Variants in FAM133B observed in about 807,000 individuals in gnomAD.
FAM133B encodes family with sequence similarity 133 member B.
In FAM133B, 25 loss-of-function variants were observed where a neutral mutation model predicts 46.4. That is an observed-to-expected ratio of 0.54 (90% CI 0.39 to 0.75). The LOEUF is 0.75. Among genes scored for constraint, FAM133B ranks in the 30% least tolerant of loss-of-function variants. The pLI is 0.00. For synonymous variants in FAM133B, 75 were observed against 86.0 expected, an observed-to-expected ratio of 0.87 and a Z score of 0.71; for missense variants, 205 against 277.6, an observed-to-expected ratio of 0.74 and a Z score of 1.86.
rs1279537200 is a variant in FAM133B at position 92,578,310 on chromosome 7, T to C, written c.276+9A>G. 3 of 1,612,568 alleles carry C rather than the reference T, an allele frequency of 1.9e-6. No individual in the cohort carries two copies. The highest frequency in any genetic ancestry group is 2.2e-5 in the East Asian group (1 of 44,842). On this transcript the variant is annotated intron_variant, in intron 4 of 10. Coordinates refer to ENST00000445716, the MANE Select transcript of FAM133B (RefSeq NM_152789.4). ...ATTAAGAATAGCAATAAACTAAAAG[T>C]GGTATTACCTGTCTTTTTTTGGATG...
chr7:92,577,712 T>A lies in FAM133B; in HGVS notation c.315A>T (p.Ser105=), dbSNP rs372596712. 134 of 1,576,744 alleles carry A rather than the reference T, an allele frequency of 8.5e-5. 1 individual carries two copies. The highest frequency in any genetic ancestry group is 1.1e-4 in the Non-Finnish European group (125 of 1,160,184). The change falls in exon 6 of 11, where the codon TCA becomes TCT. Residue 105 remains serine, a synonymous_variant. Transcript: ENST00000445716. ...AATCAGAGCTTGATGAAGAAGAAGA[T>A]GAATACTTGACCAAGCACAAAACAA... ...KKEKKKSGRY[S]SSSSSSSDSS... is the part of the protein sequence containing the mutation.
In FAM133B at chr7:92,581,539, A is replaced by T; in HGVS notation, c.89T>A (p.Ile30Lys). The T allele has an allele frequency of 6.2e-7, 1 of 1,613,868 alleles. No individual in the cohort carries two copies. Among genetic ancestry groups the T allele is most frequent in the Non-Finnish European group, 8.5e-7 (1 of 1,179,816 alleles). The part of the protein sequence containing the change: ...RGPIQSSGPT[I>K]QDYLNRPRPT... The stretch of plus-strand genomic sequence containing the variant: ...CCTTGGTCGATTCAGATAATCCTGT[A>T]TTGTTGGCCCTGAAGACTGGATTGG... The change falls in exon 2 of 11, where the codon ATA (isoleucine) becomes AAA (lysine). Residue 30 changes from isoleucine (I) to lysine (K), a missense_variant. By Grantham distance (102) the Ile-to-Lys change is moderately radical. Transcript: ENST00000445716.
intron 1 of FAM133B, among the ~76,000 whole-genome samples, chr7:92,584,028 C>T (rs1438402029): frequency 8.7e-6 from 1 of 114,880 alleles, no homozygotes; most frequent in Admixed American, 1.3e-4. Flanking sequence ...CCAGCCTGGG[C>T]GAAAGAGCAA....
intron 9 of FAM133B, 77 bp downstream of exon 9, chr7:92,569,746 C>A: frequency 2.9e-6 from 2 of 684,108 alleles, no homozygotes; most frequent in Non-Finnish European, 4.5e-6. Flanking sequence ...TGAAGTATTT[C>A]TTTTTCTAAG....
At chr7:92,577,444 CAACAA>C in intron 6 of FAM133B, 2 of 446,978 alleles carry the variant, frequency 4.5e-6, no homozygotes, top group South Asian at 7.1e-5. Context: ...ATTTTTAGGT[CAACAA>C]AACAAATTTT....
chr7:92,590,198 C>A (rs568083082), intron 1 of FAM133B, 70 bp downstream of exon 1: 14 of 1,611,678 alleles, frequency 8.7e-6, no homozygotes, highest in Non-Finnish European at 1.2e-5. Flanking sequence ...CGGCCGGGAA[C>A]AGCGAGGGTT....
At chr7:92,584,939 G>A (rs1017482872) in intron 1 of FAM133B, among the ~76,000 whole-genome samples, 2 of 152,076 alleles carry the variant, frequency 1.3e-5, no homozygotes, top group African/African-American at 4.8e-5. Flanking sequence ...AGGGTGAGGT[G>A]GGAGGAGCTT....
chr7:92,578,027 T>A, intron 5 of FAM133B, 123 bp downstream of exon 5: 1 of 862,400 alleles, frequency 1.2e-6, no homozygotes, highest in East Asian at 2.5e-5. Context: ...TCAAAGAACC[T>A]CTAAGTTCCT....
At chr7:92,582,779 A>G (rs2116417587) in intron 1 of FAM133B, among the ~76,000 whole-genome samples, 1 of 152,354 alleles carries the variant, frequency 6.6e-6, no homozygotes. Flanking sequence ...AATTGAAACA[A>G]CAAAGAGATG....
chr7:92,587,275 C>CA (rs1313775930), intron 1 of FAM133B, among the ~76,000 whole-genome samples: 6 of 152,140 alleles, frequency 3.9e-5, no homozygotes, highest in African/African-American at 1.4e-4. Flanking sequence ...GAGACAATCT[C>CA]AAAAAATGCC....
rs772730489 is a variant in FAM133B, at chr7:92,577,177, G to A, written c.391C>T (p.Arg131Trp). 14 of 1,491,836 alleles carry A rather than the reference G, an allele frequency of 9.4e-6. No individual in the cohort carries two copies. The Admixed American group carries it at 1.1e-4, about 12-fold the overall frequency. The allele number at this position is 1,491,836 out of a possible 1,614,324, so 92.4% of individuals were successfully genotyped here. Residue 131 changes from arginine (R) to tryptophan (W), a missense_variant, in exon 7 of 11, where the codon CGG (arginine) becomes TGG (tryptophan). Coordinates refer to ENST00000445716, the MANE Select transcript of FAM133B (RefSeq NM_152789.4). ...SEDEDKKQGK[R>W]RKKKKNRSHK... ...GAACGGTTCTTCTTTTTCTTTCTCC[G>A]TTTTCCTTGTTTCTTATCCTACATA...
At chr7:92,587,577 A>G (rs1213020147) in intron 1 of FAM133B, among the ~76,000 whole-genome samples, 1 of 152,060 alleles carries the variant, frequency 6.6e-6, no homozygotes, top group Non-Finnish European at 1.5e-5. Context: ...CAAAAAAACA[A>G]CAAAAAATTA....
At chr7:92,581,359 T>C (rs954758128) in intron 2 of FAM133B, 147 bp downstream of exon 2, 13 of 655,902 alleles carry the variant, frequency 2.0e-5, no homozygotes, top group Non-Finnish European at 2.8e-5. Flanking sequence ...GTTTCACACA[T>C]TCAAAAGAAA....
At chr7:92,571,429 C>T (rs1348860038) in intron 8 of FAM133B, among the ~76,000 whole-genome samples, 1 of 152,054 alleles carries the variant, frequency 6.6e-6, no homozygotes, top group Non-Finnish European at 1.5e-5. Flanking sequence ...TTAGTCTGTT[C>T]ATTGTAGTTA....
chr7:92,578,632 G>A (rs930889381), intron 3 of FAM133B, among the ~76,000 whole-genome samples: 3 of 152,146 alleles, frequency 2.0e-5, no homozygotes, highest in Non-Finnish European at 4.4e-5. Context: ...TTGAGCAGCA[G>A]GCATTATTAC....
At chr7:92,583,359 T>C (rs931977364) in intron 1 of FAM133B, among the ~76,000 whole-genome samples, 7 of 152,140 alleles carry the variant, frequency 4.6e-5, no homozygotes, top group Non-Finnish European at 1.0e-4. Flanking sequence ...AGGTTCTTGT[T>C]TGGGATGATG....
intron 1 of FAM133B, among the ~76,000 whole-genome samples, chr7:92,583,673 T>C (rs1794953710): frequency 6.6e-6 from 1 of 152,228 alleles, no homozygotes. Context: ...GTCTGGTCTT[T>C]AATTCAGTCT....
chr7:92,581,933 T>C (rs118028363), intron 1 of FAM133B: 10,737 of 184,936 alleles, frequency 0.058, 372 homozygotes, highest in Middle Eastern at 0.09. Flanking sequence ...GTGATAACAG[T>C]ATGTTCACTA....
At chr7:92,581,319 CT>C (rs1469253752) in intron 2 of FAM133B, among the ~76,000 whole-genome samples, 186 bp downstream of exon 2, 1 of 152,224 alleles carries the variant, frequency 6.6e-6, no homozygotes, top group East Asian at 1.9e-4. Context: ...GTAGTGGGTT[CT>C]TAAATGTTTG....
Sources: allele counts gnomAD v4.1 joint callset (sites outside exome capture counted in the v4.1 genomes callset), GRCh38; gene constraint gnomAD v4.1.1; transcripts MANE v1.5; gene names NCBI Gene and HGNC (gene_info 2026-07-23, HGNC 2026-07-21).